Variants in SLC9A9 observed in about 807,000 individuals in gnomAD.
The protein encoded by SLC9A9 is solute carrier family 9 member A9.
Under a neutral mutation model 77.8 loss-of-function variants are expected in SLC9A9, and 62 were observed. The ratio of observed to expected loss-of-function variants is 0.80; its 90% CI spans 0.65 to 0.98. The LOEUF (loss-of-function observed/expected upper bound fraction) is 0.98, where lower values mean the gene tolerates loss of function less well. SLC9A9 is among the 50% of genes least tolerant of loss of function. The pLI, the probability that SLC9A9 is intolerant of heterozygous loss-of-function variation, is 0.00. For missense variants in SLC9A9, 775 were observed against 774.9 expected, an observed-to-expected ratio of 1.00 and a Z score of 0.00; for synonymous variants, 320 against 283.5, an observed-to-expected ratio of 1.13 and a Z score of -1.29.
intron 12 of SLC9A9, among the ~76,000 whole-genome samples, chr3:143,386,322 G>A (rs1489124716): frequency 6.6e-6 from 1 of 152,152 alleles, no homozygotes; most frequent in Non-Finnish European, 1.5e-5. Flanking sequence ...GGCCCTAGCT[G>A]GAATCTGATG....
chr3:143,373,625 A>AAAAAAAAG (rs2033108315), intron 13 of SLC9A9, among the ~76,000 whole-genome samples: 1 of 151,332 alleles, frequency 6.6e-6, no homozygotes, highest in Non-Finnish European at 1.5e-5. Flanking sequence ...AAAAAAAAAA[A>AAAAAAAAG]AAAATAGCCA....
At chr3:143,571,529 A>G (rs191178541) in intron 8 of SLC9A9, among the ~76,000 whole-genome samples, 28 of 152,298 alleles carry the variant, frequency 1.8e-4, no homozygotes, top group African/African-American at 6.5e-4. Flanking sequence ...TACACTGTCC[A>G]TTCTGGTGTT....
chr3:143,743,286 GATAGA>G (rs1423355096), intron 4 of SLC9A9, among the ~76,000 whole-genome samples: 18 of 133,930 alleles, frequency 1.3e-4, no homozygotes, highest in Non-Finnish European at 2.4e-4. Flanking sequence ...TAGATAGATA[GATAGA>G]CAGACAGATA....
At chr3:143,667,196 A>T (rs7648523) in intron 5 of SLC9A9, among the ~76,000 whole-genome samples, 147,479 of 152,246 alleles carry the variant, frequency 0.97, 71,463 homozygotes, top group East Asian at 1. Flanking sequence ...CAACCATCTG[A>T]TCTTTGACAA....
At chr3:143,637,568 T>C (rs1259542364) in intron 6 of SLC9A9, among the ~76,000 whole-genome samples, 1 of 152,230 alleles carries the variant, frequency 6.6e-6, no homozygotes, top group Non-Finnish European at 1.5e-5. Flanking sequence ...TACACCTTAG[T>C]AAGTATATAT....
chr3:143,414,146 A>T (rs761751643), intron 12 of SLC9A9, among the ~76,000 whole-genome samples: 15 of 152,240 alleles, frequency 9.9e-5, no homozygotes, highest in Non-Finnish European at 2.1e-4. Context: ...CCCTTTTCAC[A>T]ATTCCTGTCA....
intron 14 of SLC9A9, among the ~76,000 whole-genome samples, chr3:143,279,733 AG>A (rs1402964170): frequency 4.6e-5 from 7 of 152,198 alleles, no homozygotes; most frequent in Admixed American, 1.3e-4. Flanking sequence ...GTCCCTGCAA[AG>A]GACATGAACT....
chr3:143,835,863 C>T (rs945283067), intron 1 of SLC9A9, among the ~76,000 whole-genome samples: 1 of 152,220 alleles, frequency 6.6e-6, no homozygotes, highest in African/African-American at 2.4e-5. Context: ...GCAAACAGCC[C>T]TGGCCCCAGG....
intron 11 of SLC9A9, among the ~76,000 whole-genome samples, chr3:143,472,424 C>T (rs1470713071): frequency 6.6e-6 from 1 of 152,164 alleles, no homozygotes; most frequent in Non-Finnish European, 1.5e-5. Context: ...ACATAATTTT[C>T]TATGCCCAAA....
chr3:143,443,827 G>C (rs2034795033), intron 12 of SLC9A9, among the ~76,000 whole-genome samples: 1 of 151,494 alleles, frequency 6.6e-6, no homozygotes, highest in Non-Finnish European at 1.5e-5. Context: ...TTTAACTCTA[G>C]TAGCAATTGA....
intron 14 of SLC9A9, among the ~76,000 whole-genome samples, chr3:143,359,972 C>T (rs1029946534): frequency 1.3e-5 from 2 of 152,294 alleles, no homozygotes; most frequent in Non-Finnish European, 2.9e-5. Flanking sequence ...TGGACTGTAT[C>T]ATGTAAGGAG....
At chr3:143,744,848 C>T (rs1385584787) in intron 4 of SLC9A9, among the ~76,000 whole-genome samples, 1 of 152,138 alleles carries the variant, frequency 6.6e-6, no homozygotes, top group Admixed American at 6.5e-5. Context: ...AAGCCAACAT[C>T]CAGAAGTTTT....
At chr3:143,582,717 C>A (rs974790614) in intron 6 of SLC9A9, among the ~76,000 whole-genome samples, 1 of 152,172 alleles carries the variant, frequency 6.6e-6, no homozygotes, top group African/African-American at 2.4e-5. Flanking sequence ...GGAGTGCCCT[C>A]AGCTGTGTGG....
At chr3:143,621,101 TAAAC>T (rs1158536068) in intron 6 of SLC9A9, among the ~76,000 whole-genome samples, 4 of 151,998 alleles carry the variant, frequency 2.6e-5, no homozygotes, top group Non-Finnish European at 5.9e-5. Context: ...CTTGAGTAGG[TAAAC>T]AAAGTGGCCC....
At chr3:143,640,024 T>C (rs1291840065) in intron 6 of SLC9A9, among the ~76,000 whole-genome samples, 22 of 27,960 alleles carry the variant, frequency 7.9e-4, no homozygotes, top group East Asian at 4.1e-3. Context: ...TTTTTCTTTT[T>C]TTTTTTTTTT....
Position 143,363,489 on chromosome 3 carries a change from G to A in SLC9A9, c.1599C>T (p.Asp533=), listed in dbSNP as rs1471232312. ...ARLFRMWYSF[D]HKYLKPILTH... Reference sequence around the variant, plus strand: ...TCGTTATTATCAAAGGATACTTGTGGTCAAAGCTATACCACATTCTGAAGA... The same window carrying A: ...TCGTTATTATCAAAGGATACTTGTGATCAAAGCTATACCACATTCTGAAGA... Residue 533 remains aspartate (D), a synonymous_variant, in exon 14 of 16, where the codon GAC becomes GAT. Transcript: ENST00000316549. 2.5e-6 allele frequency: 4 copies of A among 1,612,718 alleles called. No individual in the cohort carries two copies. Among genetic ancestry groups the A allele is most frequent in the Non-Finnish European group, 3.4e-6 (4 of 1,179,038 alleles).
At chr3:143,748,277 G>C (rs999880124) in intron 4 of SLC9A9, among the ~76,000 whole-genome samples, 3 of 152,090 alleles carry the variant, frequency 2.0e-5, no homozygotes, top group Non-Finnish European at 4.4e-5. Flanking sequence ...ACAAATATAA[G>C]AGCCTTGTGG....
chr3:143,279,592 G>A (rs1164620384), intron 14 of SLC9A9, among the ~76,000 whole-genome samples: 1 of 152,052 alleles, frequency 6.6e-6, no homozygotes, highest in Non-Finnish European at 1.5e-5. Context: ...GGGCCCCAGT[G>A]TGTGATGTTC....
chr3:143,468,154 C>T (rs140053413), intron 11 of SLC9A9, among the ~76,000 whole-genome samples: 90 of 152,236 alleles, frequency 5.9e-4, no homozygotes, highest in African/African-American at 2.1e-3. Context: ...ATTGTGTGAA[C>T]GTAAGTTTTC....
Sources: allele counts gnomAD v4.1 joint callset (sites outside exome capture counted in the v4.1 genomes callset), GRCh38; gene constraint gnomAD v4.1.1; transcripts MANE v1.5; gene names NCBI Gene and HGNC (gene_info 2026-07-23, HGNC 2026-07-21).